Variants in TGFBR3L observed in about 807,000 individuals in gnomAD.
The protein encoded by TGFBR3L is transforming growth factor beta receptor 3 like.
Under a neutral mutation model 20.4 loss-of-function variants are expected in TGFBR3L, and 21 were observed. That is an observed-to-expected ratio of 1.03 (90% CI 0.73 to 1.48). The LOEUF (loss-of-function observed/expected upper bound fraction) is 1.48, where lower values mean the gene tolerates loss of function less well. TGFBR3L is among the 40% of genes most tolerant of loss of function. TGFBR3L has a pLI of 0.00. For missense variants in TGFBR3L, 479 were observed against 498.0 expected, an observed-to-expected ratio of 0.96 and a Z score of 0.36; for synonymous variants, 245 against 244.2, an observed-to-expected ratio of 1.00 and a Z score of -0.03.
intron 2 of TGFBR3L, chr19:7,917,156 T>C: frequency 1.1e-6 from 1 of 907,784 alleles, no homozygotes; most frequent in South Asian, 2.4e-5. Flanking sequence ...CCTTCAGGGC[T>C]GGGGGTTGGA....
At position 7,917,854 on chromosome 19, in the gene TGFBR3L, A is replaced by T; in HGVS notation, c.878A>T (p.His293Leu). 7.3e-7 allele frequency: 1 copy of T among 1,368,940 alleles called. No homozygotes were observed. The highest frequency in any genetic ancestry group is 1.7e-5 in the South Asian group (1 of 58,296). 84.8% of individuals were successfully genotyped at this position (1,368,940 alleles called of 1,614,324 possible). The change falls in exon 4 of 6, where the codon CAC becomes CTC. Residue 293 changes from histidine to leucine, a missense_variant. Physicochemically the swap from His to Leu is moderately conservative, Grantham distance 99 (BLOSUM62 -3). Transcript: ENST00000565886. ...GCCGGGCTGGGTCTCGTCTGTGCGC[A>T]CTCAGGTACCGACGACCTCCGCCAA...
Position 7,918,046 on chromosome 19 carries a change from CTCCCT to C in TGFBR3L, c.884-7_884-3del. Reference sequence around the variant, plus strand: ...GCAGCAGCCCTTCTGCAGCTCGCCTCTCCCTTCCAGCGCCCCACGCCCCTGGCCCG... The same window carrying C: ...GCAGCAGCCCTTCTGCAGCTCGCCTCTCCAGCGCCCCACGCCCCTGGCCCG... On this transcript the variant is annotated splice_polypyrimidine_tract_variant and splice_region_variant and intron_variant, in intron 4 of 5. Transcript: ENST00000565886. 2.0e-6 allele frequency: 3 copies of C among 1,533,352 alleles called. No homozygotes were observed. Among genetic ancestry groups the C allele is most frequent in the Non-Finnish European group, 2.6e-6 (3 of 1,145,200 alleles). The allele number at this position is 1,533,352 out of a possible 1,614,324, so 95.0% of individuals were successfully genotyped here.
At position 7,914,984 on chromosome 19, in the gene TGFBR3L, A is replaced by AT. The variant is rs931837215; in HGVS notation, c.-1276dup. On this transcript the variant is annotated 5_prime_UTR_variant, in exon 1 of 6. Transcript: ENST00000565886. The stretch of plus-strand genomic sequence containing the variant: ...CTTCTATCCCTGTTTCACCCTCTTT[A>AT]TTTTTTTTGAGATGGAGTCTTGCTC... 9.9e-5 allele frequency among the ~76,000 whole-genome samples: 15 copies of AT among 151,332 alleles called. No individual in the cohort carries two copies. The highest frequency in any genetic ancestry group is 3.3e-4 in the Admixed American group (5 of 15,214).
At position 7,917,808 on chromosome 19, in the gene TGFBR3L, G is replaced by T; in HGVS notation, c.832G>T (p.Val278Leu). The T allele has an allele frequency of 7.1e-7, 1 of 1,412,954 alleles. No individual in the cohort carries two copies. The highest frequency in any genetic ancestry group is 9.2e-7 in the Non-Finnish European group (1 of 1,091,642). 87.5% of individuals were successfully genotyped at this position (1,412,954 alleles called of 1,614,324 possible). Residue 278 changes from valine (V) to leucine (L), a missense_variant, in exon 4 of 6, where the codon GTG becomes TTG. Coordinates refer to ENST00000565886, the MANE Select transcript of TGFBR3L (RefSeq NM_001195259.2). ...GGTGGCGCTGGTGTTGGCAGCCTTC[G>T]TGCTGGGCGCCGCGCTGGCCGCCGG...
chr19:7,917,148 T>C (rs1983349678), intron 2 of TGFBR3L: 3 of 941,184 alleles, frequency 3.2e-6, no homozygotes, highest in Non-Finnish European at 4.3e-6. Context: ...TCTGGAATCC[T>C]TCAGGGCTGG....
At chr19:7,917,451 T>TC in intron 2 of TGFBR3L, 22 bp from the exon 4 acceptor site, 1 of 1,521,094 alleles carries the variant, frequency 6.6e-7, no homozygotes, top group Non-Finnish European at 8.8e-7. Context: ...CCCCGTCTCT[T>TC]CCCCACCTTC....
rs1983215805 is a variant in TGFBR3L at position 7,915,093 on chromosome 19, G to A, written c.-1175G>A. Among the ~76,000 whole-genome samples the A allele has an allele frequency of 6.6e-6, 1 of 152,164 alleles. No homozygotes were observed. The highest frequency in any genetic ancestry group is 2.4e-5 in the African/African-American group (1 of 41,416). On this transcript the variant is annotated 5_prime_UTR_variant, in exon 1 of 6. Coordinates refer to ENST00000565886, the MANE Select transcript of TGFBR3L (RefSeq NM_001195259.2). ...CGGTTCAAGTGATTCTCCTGCCTCA[G>A]CCTCCTGAGTAGCTGGGACTACAGG...
chr19:7,916,196 T>C lies in TGFBR3L; in HGVS notation c.-72T>C. ...ATGGCTCTGCAACCGGCTCAGTTGC[T>C]GGGCTGTGCGAGTCCCAGGGGTCGC... On this transcript the variant is annotated 5_prime_UTR_variant, in exon 1 of 6. Transcript: ENST00000565886. The C allele has an allele frequency of 6.7e-7, 1 of 1,489,946 alleles. No individual in the cohort carries two copies. Among genetic ancestry groups the C allele is most frequent in the East Asian group, 2.5e-5 (1 of 40,474 alleles). 92.3% of individuals were successfully genotyped at this position (1,489,946 alleles called of 1,614,324 possible).
chr19:7,918,846 G>C lies in TGFBR3L; in HGVS notation c.*6-71G>C, dbSNP rs1458183143. On this transcript the variant is annotated intron_variant, in intron 5 of 5. Transcript: ENST00000565886. ...GCATGCAGACCGATGGAAGAGGCTA[G>C]TGGTCTGCTGGGAAGGGAGGTGGCC... 1.3e-5 allele frequency: 5 copies of C among 398,408 alleles called. No homozygotes were observed. The East Asian group carries it at 1.8e-4, about 14-fold the overall frequency. The allele number at this position is 398,408 out of a possible 1,614,324, so 24.7% of individuals were successfully genotyped here. A position where few individuals can be genotyped will look rare whatever the true frequency, so the allele number is the denominator to read the frequency against.
In TGFBR3L at chr19:7,917,840, T is replaced by G. The variant is rs1983384631; in HGVS notation, c.864T>G (p.Gly288=). 4 of 1,380,026 alleles carry G rather than the reference T, an allele frequency of 2.9e-6. No homozygotes were observed. In the East Asian group the frequency reaches 1.2e-4, roughly 41 times the overall value. The allele number at this position is 1,380,026 out of a possible 1,614,324, so 85.5% of individuals were successfully genotyped here. A position where few individuals can be genotyped will look rare whatever the true frequency, so the allele number is the denominator to read the frequency against. ...GCGCCGCGCTGGCCGCCGGGCTGGG[T>G]CTCGTCTGTGCGCACTCAGGTACCG... The change falls in exon 4 of 6, where the codon GGT becomes GGG. Residue 288 remains glycine, a synonymous_variant. Transcript: ENST00000565886.
In TGFBR3L at chr19:7,916,218, T is replaced by G. The variant is rs1352222853; in HGVS notation, c.-50T>G. ...TGCTGGGCTGTGCGAGTCCCAGGGG[T>G]CGCCAGGGGGCACATCACCGTCAGG... On this transcript the variant is annotated 5_prime_UTR_variant, in exon 1 of 6. Transcript: ENST00000565886. The G allele has an allele frequency of 2.4e-5, 36 of 1,506,500 alleles. No individual in the cohort carries two copies. Among genetic ancestry groups the G allele is most frequent in the Non-Finnish European group, 3.1e-5 (35 of 1,130,702 alleles). The allele number at this position is 1,506,500 out of a possible 1,614,324, so 93.3% of individuals were successfully genotyped here.
In TGFBR3L at chr19:7,916,189, C is replaced by T; in HGVS notation, c.-79C>T. ...GGGGCGCATGGCTCTGCAACCGGCT[C>T]AGTTGCTGGGCTGTGCGAGTCCCAG... On this transcript the variant is annotated 5_prime_UTR_variant, in exon 1 of 6. Transcript: ENST00000565886. The T allele has an allele frequency of 1.4e-6, 2 of 1,475,502 alleles. No homozygotes were observed. Among genetic ancestry groups the T allele is most frequent in the Non-Finnish European group, 9.0e-7 (1 of 1,115,550 alleles). 91.4% of individuals were successfully genotyped at this position (1,475,502 alleles called of 1,614,324 possible).
rs1439961243 is a variant in TGFBR3L at position 7,915,575 on chromosome 19, G to T, written c.-693G>T. Among the ~76,000 whole-genome samples, 2 of 152,156 alleles carry T rather than the reference G, an allele frequency of 1.3e-5. No homozygotes were observed. Among genetic ancestry groups the T allele is most frequent in the African/African-American group, 4.8e-5 (2 of 41,452 alleles). On this transcript the variant is annotated 5_prime_UTR_variant, in exon 1 of 6. Coordinates refer to ENST00000565886, the MANE Select transcript of TGFBR3L (RefSeq NM_001195259.2). ...GAAGCCAGGAGTTCCAGACCAGCCT[G>T]GGCAACATAGACCCCGTATGGCCGT...
rs533895630 is a variant in TGFBR3L, at chr19:7,918,194, T to C, written c.*5+65T>C. The C allele has an allele frequency of 5.4e-5, 80 of 1,478,472 alleles. 1 individual carries two copies. In the South Asian group the frequency reaches 9.0e-4, roughly 17 times the overall value. 91.6% of individuals were successfully genotyped at this position (1,478,472 alleles called of 1,614,324 possible). A position where few individuals can be genotyped will look rare whatever the true frequency, so the allele number is the denominator to read the frequency against. ...TCTGACAGTGACGCTTCCTAGCGCT[T>C]AGTTCGTGCCAGGCACTGTGGTTTT... is the stretch of plus-strand genomic sequence containing the variant. On this transcript the variant is annotated intron_variant, in intron 5 of 5. Transcript: ENST00000565886.
chr19:7,915,096 T>C lies in TGFBR3L; in HGVS notation c.-1172T>C, dbSNP rs1279289705. Among the ~76,000 whole-genome samples, 1 of 152,194 alleles carries C rather than the reference T, an allele frequency of 6.6e-6. No individual in the cohort carries two copies. The highest frequency in any genetic ancestry group is 2.4e-5 in the African/African-American group (1 of 41,442). ...TTCAAGTGATTCTCCTGCCTCAGCC[T>C]CCTGAGTAGCTGGGACTACAGGCAC... On this transcript the variant is annotated 5_prime_UTR_variant, in exon 1 of 6. Coordinates refer to ENST00000565886, the MANE Select transcript of TGFBR3L (RefSeq NM_001195259.2).
At chr19:7,918,804 C>T (rs1675396137) in intron 5 of TGFBR3L, 113 bp from the exon 7 acceptor site, 1 of 397,830 alleles carries the variant, frequency 2.5e-6, no homozygotes. Flanking sequence ...TCGGACCCGG[C>T]TCCCACTCTC....
rs1379272285 is a variant in TGFBR3L at position 7,916,523 on chromosome 19, G to A, written c.256G>A (p.Asp86Asn). 1.3e-6 allele frequency: 2 copies of A among 1,506,344 alleles called. No individual in the cohort carries two copies. The highest frequency in any genetic ancestry group is 2.5e-5 in the East Asian group (1 of 40,298). 93.3% of individuals were successfully genotyped at this position (1,506,344 alleles called of 1,614,324 possible). The stretch of plus-strand genomic sequence containing the variant: ...CGCGGGGCCGCTCGAGGTCCCGGCC[G>A]ACAGCCGCGTGTTCGTGCAGGTGGG... The change falls in exon 1 of 6, where the codon GAC (aspartate) becomes AAC (asparagine). Residue 86 changes from aspartate (D) to asparagine (N), a missense_variant. Coordinates refer to ENST00000565886, the MANE Select transcript of TGFBR3L (RefSeq NM_001195259.2).
chr19:7,917,249 C>A (rs1461971570), intron 2 of TGFBR3L, among the ~76,000 whole-genome samples: 1 of 152,066 alleles, frequency 6.6e-6, no homozygotes, highest in African/African-American at 2.4e-5. Context: ...GCGGACCATG[C>A]GATCTTGTGG....
At chr19:7,917,983 A>T in intron 4 of TGFBR3L, 74 bp from the exon 6 acceptor site, 1 of 1,485,262 alleles carries the variant, frequency 6.7e-7, no homozygotes, top group Non-Finnish European at 8.9e-7. Context: ...CGATGCCCGC[A>T]GCAGCCCCCA....
Sources: allele counts gnomAD v4.1 joint callset (sites outside exome capture counted in the v4.1 genomes callset), GRCh38; gene constraint gnomAD v4.1.1; transcripts MANE v1.5; gene names NCBI Gene and HGNC (gene_info 2026-07-23, HGNC 2026-07-21).